Variants in DNAJC3 observed in about 807,000 individuals in gnomAD.
DNAJC3 encodes dnaJ homolog subfamily C member 3.
A neutral mutation model predicts 68.6 loss-of-function variants in DNAJC3; 38 were observed. The observed-to-expected ratio is 0.55, with a 90% CI of 0.43 to 0.73. The LOEUF is 0.73. DNAJC3 is among the 30% of genes least tolerant of loss of function. DNAJC3 has a pLI of 0.00. For synonymous variants in DNAJC3, 203 were observed against 204.0 expected (o/e 1.00, Z 0.04); for missense variants, 526 against 591.9 (o/e 0.89, Z 1.16).
chr13:95,730,646 C>T (rs1435814247), intron 4 of DNAJC3, among the ~76,000 whole-genome samples: 1 of 152,106 alleles, frequency 6.6e-6, no homozygotes, highest in African/African-American at 2.4e-5. Flanking sequence ...TTTCTGGGTT[C>T]TCTAATCTGT....
chr13:95,771,987 A>G (rs1265303734), intron 9 of DNAJC3, among the ~76,000 whole-genome samples: 1 of 151,928 alleles, frequency 6.6e-6, no homozygotes, highest in Non-Finnish European at 1.5e-5. Flanking sequence ...TGATGAAGAG[A>G]AGTTGGCAGA....
intron 1 of DNAJC3, among the ~76,000 whole-genome samples, chr13:95,701,805 T>C (rs1880593032): frequency 6.6e-6 from 1 of 152,246 alleles, no homozygotes; most frequent in South Asian, 2.1e-4. Flanking sequence ...ATTTTAACTG[T>C]GTTAGGTGCT....
chr13:95,773,441 G>T (rs1021963886), intron 9 of DNAJC3, among the ~76,000 whole-genome samples: 2 of 151,984 alleles, frequency 1.3e-5, no homozygotes, highest in Non-Finnish European at 2.9e-5. Flanking sequence ...AAAGTGCTGG[G>T]ACTACAGGCG....
chr13:95,751,749 C>T (rs778554831), intron 4 of DNAJC3, among the ~76,000 whole-genome samples: 8 of 152,122 alleles, frequency 5.3e-5, no homozygotes, highest in African/African-American at 1.4e-4. Flanking sequence ...AAGACATACC[C>T]GACACTGGGT....
chr13:95,728,660 G>A (rs1459520783), intron 4 of DNAJC3, among the ~76,000 whole-genome samples: 2 of 152,138 alleles, frequency 1.3e-5, no homozygotes, highest in African/African-American at 4.8e-5. Flanking sequence ...AGAACAAAAT[G>A]TCTAATTTTT....
intron 11 of DNAJC3, among the ~76,000 whole-genome samples, chr13:95,789,036 C>G (rs1883683409): frequency 6.6e-6 from 1 of 152,154 alleles, no homozygotes; most frequent in Non-Finnish European, 1.5e-5. Context: ...ATCTTTGAAC[C>G]CCTAAAGGAC....
chr13:95,685,331 A>T (rs1210077155), intron 1 of DNAJC3, among the ~76,000 whole-genome samples: 1 of 152,236 alleles, frequency 6.6e-6, no homozygotes, highest in African/African-American at 2.4e-5. Context: ...TAGCACGTGC[A>T]TGGGGCCCGT....
intron 2 of DNAJC3, among the ~76,000 whole-genome samples, chr13:95,722,828 C>G (rs1410539543): frequency 1.3e-4 from 4 of 30,992 alleles, no homozygotes; most frequent in South Asian, 1.0e-3. Flanking sequence ...CCCCCCCCCC[C>G]CCCCCCCCCC....
At chr13:95,695,448 C>G (rs1801958906) in intron 1 of DNAJC3, 1 of 152,052 alleles carries the variant, frequency 6.6e-6, no homozygotes, top group Non-Finnish European at 1.5e-5. Flanking sequence ...GTGTACTGGC[C>G]CTTCTATTCT....
intron 9 of DNAJC3, among the ~76,000 whole-genome samples, chr13:95,764,683 T>TATATATATAC (rs36030034): frequency 1.7e-4 from 15 of 88,252 alleles, no homozygotes; most frequent in East Asian, 1.0e-3. Flanking sequence ...TATATATATA[T>TATATATATAC]ACACACACAC....
At chr13:95,781,331 T>A (rs539609572) in intron 9 of DNAJC3, among the ~76,000 whole-genome samples, 1 of 152,210 alleles carries the variant, frequency 6.6e-6, no homozygotes, top group Admixed American at 6.5e-5. Context: ...TCCTGACAGT[T>A]GCCTTATAGC....
At chr13:95,687,242 C>G (rs535134118) in intron 1 of DNAJC3, among the ~76,000 whole-genome samples, 1 of 152,234 alleles carries the variant, frequency 6.6e-6, no homozygotes, top group Admixed American at 6.5e-5. Flanking sequence ...AGACTTTACT[C>G]AAGTTGTTTA....
At chr13:95,780,585 T>C (rs866807271) in intron 9 of DNAJC3, among the ~76,000 whole-genome samples, 1 of 152,234 alleles carries the variant, frequency 6.6e-6, no homozygotes, top group Non-Finnish European at 1.5e-5. Flanking sequence ...ACAGTTTCTT[T>C]GTATTGTTTT....
rs536441268 is a variant in DNAJC3 at position 95,744,031 on chromosome 13, A to G, written c.394-13613A>G. Among the ~76,000 whole-genome samples, 3 of 152,336 alleles carry G rather than the reference A, an allele frequency of 2.0e-5. No homozygotes were observed. The South Asian group carries it at 6.2e-4, about 32-fold the overall frequency. On this transcript the variant is annotated intron_variant, in intron 4 of 11. Transcript: ENST00000602402. ...TTGAGATATTTGGTTAGGAGTCGTAATAAACTTACAGATTAATTTGGGGAG... is the reference window on the plus strand; with the variant it reads ...TTGAGATATTTGGTTAGGAGTCGTAGTAAACTTACAGATTAATTTGGGGAG...
At position 95,763,638 on chromosome 13, in the gene DNAJC3, C is replaced by T. The variant is rs368094498; in HGVS notation, c.849-5C>T. The T allele has an allele frequency of 1.2e-6, 2 of 1,612,376 alleles. No individual in the cohort carries two copies. Among genetic ancestry groups the T allele is most frequent in the Non-Finnish European group, 1.7e-6 (2 of 1,178,962 alleles). On this transcript the variant is annotated splice_region_variant and splice_polypyrimidine_tract_variant and intron_variant, in intron 7 of 11. Coordinates refer to ENST00000602402, the MANE Select transcript of DNAJC3 (RefSeq NM_006260.5). ...ATTTCTTATCATGATTTGCTCATTT[C>T]TTAGATACACAGATGCTACCAGCAA...
At chr13:95,682,858 T>G (rs917126216) in intron 1 of DNAJC3, among the ~76,000 whole-genome samples, 3 of 152,232 alleles carry the variant, frequency 2.0e-5, no homozygotes, top group African/African-American at 7.2e-5. Flanking sequence ...TAGATTTTAT[T>G]CTGATGAATT....
chr13:95,738,606 T>C lies in DNAJC3; in HGVS notation c.393+13354T>C, dbSNP rs536958212. 1.2e-4 allele frequency among the ~76,000 whole-genome samples: 18 copies of C among 152,326 alleles called. No individual in the cohort carries two copies. The South Asian group carries it at 3.5e-3, about 30-fold the overall frequency. ...CCTTCTTTGTCTCTTTTGATCTTTG[T>C]TGGTTTAAAGTCTGTTTTATCAGAG... On this transcript the variant is annotated intron_variant, in intron 4 of 11. Coordinates refer to ENST00000602402, the MANE Select transcript of DNAJC3 (RefSeq NM_006260.5).
At chr13:95,734,386 C>T (rs1335399369) in intron 4 of DNAJC3, among the ~76,000 whole-genome samples, 4 of 152,150 alleles carry the variant, frequency 2.6e-5, no homozygotes, top group Admixed American at 1.3e-4. Flanking sequence ...GAAATAATCC[C>T]GATAGTCCAA....
intron 9 of DNAJC3, among the ~76,000 whole-genome samples, chr13:95,764,707 CATATAT>C (rs1199317118): frequency 2.0e-5 from 1 of 49,674 alleles, no homozygotes; most frequent in Admixed American, 2.3e-4. Context: ...TATATATATA[CATATAT>C]ATATACACAT....
Sources: allele counts gnomAD v4.1 joint callset (sites outside exome capture counted in the v4.1 genomes callset), GRCh38; gene constraint gnomAD v4.1.1; transcripts MANE v1.5; gene names NCBI Gene and HGNC (gene_info 2026-07-23, HGNC 2026-07-21).